RBL2: variants seen among roughly 807,000 people sequenced by gnomAD.
The protein encoded by RBL2 is retinoblastoma-like protein 2.
Under a neutral mutation model 126.0 loss-of-function variants are expected in RBL2, and 56 were observed. The observed-to-expected ratio is 0.44, with a 90% CI of 0.36 to 0.56. The LOEUF is 0.56. Among genes scored for constraint, RBL2 ranks in the 20% least tolerant of loss-of-function variants. The probability of loss-of-function intolerance (pLI) is 0.00; values close to 1 mark genes in which losing one functional copy is unlikely to be tolerated. For missense variants in RBL2, 1,229 were observed against 1,398.2 expected, an observed-to-expected ratio of 0.88 and a Z score of 1.93; for synonymous variants, 454 against 478.5, an observed-to-expected ratio of 0.95 and a Z score of 0.67.
chr16:53,490,267 C>A lies in RBL2; in HGVS notation c.3387C>A (p.Leu1129=). 6.2e-7 allele frequency: 1 copy of A among 1,611,842 alleles called. No homozygotes were observed. Among genetic ancestry groups the A allele is most frequent in the Non-Finnish European group, 8.5e-7 (1 of 1,178,766 alleles). ...PENHSALLRR[L]QDVANDRGSH ...ATCATTCTGCCTTATTACGCCGTCT[C>A]CAAGATGTAGCTAATGACCGTGGTT... is the stretch of plus-strand genomic sequence containing the variant. The change falls in exon 22 of 22, where the codon CTC becomes CTA. Residue 1129 remains leucine (L), a synonymous_variant. Transcript: ENST00000262133.
Position 53,442,872 on chromosome 16 carries a change from T to C in RBL2, c.572+14T>C. On this transcript the variant is annotated intron_variant, in intron 3 of 21. Transcript: ENST00000262133. ...AAGGAAACAGCGGTAGGTTTTCTTG[T>C]TGGTTCATCAGGAATACACGTTAGT... 1 of 1,596,494 alleles carries C rather than the reference T, an allele frequency of 6.3e-7. No homozygotes were observed. The highest frequency in any genetic ancestry group is 8.6e-7 in the Non-Finnish European group (1 of 1,166,528).
At chr16:53,448,229 C>T (rs1056202237) in intron 4 of RBL2, among the ~76,000 whole-genome samples, 2 of 151,808 alleles carry the variant, frequency 1.3e-5, no homozygotes, top group Non-Finnish European at 1.5e-5. Context: ...GCGATCTCGG[C>T]CCACTGCAAC....
intron 8 of RBL2, among the ~76,000 whole-genome samples, chr16:53,457,246 G>A (rs2058176583): frequency 8.7e-6 from 1 of 114,798 alleles, no homozygotes; most frequent in Non-Finnish European, 1.9e-5. Context: ...TCATCAGGGT[G>A]GGTACAGATA....
intron 21 of RBL2, among the ~76,000 whole-genome samples, chr16:53,483,615 G>C (rs980851227): frequency 6.6e-6 from 1 of 152,170 alleles, no homozygotes; most frequent in African/African-American, 2.4e-5. Context: ...AATGGGCCAG[G>C]TGTGGTGGCT....
At chr16:53,451,868 G>A (rs202133927) in intron 5 of RBL2, 37 bp downstream of exon 5, 41 of 1,606,494 alleles carry the variant, frequency 2.6e-5, no homozygotes, top group East Asian at 1.6e-4. Flanking sequence ...GGCAATCTGC[G>A]TTTCTGTGTT....
At chr16:53,486,808 T>C (rs1028516968) in intron 21 of RBL2, among the ~76,000 whole-genome samples, 2 of 152,186 alleles carry the variant, frequency 1.3e-5, no homozygotes, top group Non-Finnish European at 2.9e-5. Flanking sequence ...CAGCCTGGAT[T>C]GTCTACATAG....
Position 53,480,634 on chromosome 16 carries a change from T to G in RBL2, c.2949T>G (p.Ala983=), listed in dbSNP as rs779857764. 10 of 1,613,928 alleles carry G rather than the reference T, an allele frequency of 6.2e-6. No individual in the cohort carries two copies. The highest frequency in any genetic ancestry group is 8.5e-6 in the Non-Finnish European group (10 of 1,179,988). ...TGCCAGTTCCACAGCCCAGCAGTGC[T>G]CCTCCCACACCTACTCGCCTCACAG... ...STLPVPQPSS[A]PPTPTRLTGA... is the part of the protein sequence containing the mutation. The change falls in exon 20 of 22, where the codon GCT becomes GCG. Residue 983 remains alanine (A), a synonymous_variant. Coordinates refer to ENST00000262133, the MANE Select transcript of RBL2 (RefSeq NM_005611.4).
Position 53,451,741 on chromosome 16 carries a change from TATC to T in RBL2, c.678_680del (p.His227del). The T allele has an allele frequency of 6.2e-7, 1 of 1,613,570 alleles. No homozygotes were observed. Among genetic ancestry groups the T allele is most frequent in the South Asian group, 1.1e-5 (1 of 91,064 alleles). On this transcript the variant is annotated inframe_deletion, in exon 5 of 22. Transcript: ENST00000262133. ...GATTAGTGATGATTTGGTCAATTCT[TATC>T]ACCTGCTGCTGTGTGCTTTGGACTT...
rs777503769 is a variant in RBL2, at chr16:53,462,593, T to C, written c.1498T>C (p.Tyr500His). The C allele has an allele frequency of 3.2e-6, 5 of 1,566,654 alleles. No individual in the cohort carries two copies. The highest frequency in any genetic ancestry group is 4.3e-6 in the Non-Finnish European group (5 of 1,165,470). ...KHFRFAEMLY[Y>H]KVLESVIEQE... The stretch of plus-strand genomic sequence containing the variant: ...TTTTCGTTTTGCGGAGATGCTTTAC[T>C]ATAAAGTATTAGAATCTGTTATTGA... The change falls in exon 11 of 22, where the codon TAT (tyrosine) becomes CAT (histidine). Residue 500 changes from tyrosine to histidine, a missense_variant. Around this residue, in one of 2 missense-constraint regions of RBL2, gnomAD observed 1,070 missense variants for 1,274.3 expected, o/e 0.84. Transcript: ENST00000262133.
intron 9 of RBL2, among the ~76,000 whole-genome samples, chr16:53,461,158 G>C (rs945838501): frequency 6.6e-6 from 1 of 151,960 alleles, no homozygotes. Context: ...CATAGATATC[G>C]AATGGGCCCA....
rs747185241 is a variant in RBL2 at position 53,465,430 on chromosome 16, TA to T, written c.1699-7del. 1 of 1,387,084 alleles carries T rather than the reference TA, an allele frequency of 7.2e-7. No individual in the cohort carries two copies. The allele number at this position is 1,387,084 out of a possible 1,614,324, so 85.9% of individuals were successfully genotyped here. A position where few individuals can be genotyped will look rare whatever the true frequency, so the allele number is the denominator to read the frequency against. ...TTATTCAGTGAACCAAGACATTTTT[TA>T]TTTCAGGTGATAGAAGTATTCATTA... On this transcript the variant is annotated splice_region_variant and splice_polypyrimidine_tract_variant and intron_variant, in intron 12 of 21. Transcript: ENST00000262133.
intron 1 of RBL2, among the ~76,000 whole-genome samples, chr16:53,435,913 G>T (rs1008205724): frequency 3.3e-5 from 5 of 152,126 alleles, no homozygotes; most frequent in African/African-American, 1.2e-4. Flanking sequence ...ACCTGAAACC[G>T]CTGGAAAAGT....
In RBL2 at chr16:53,479,209, C is replaced by T. The variant is rs201307142; in HGVS notation, c.2759C>T (p.Pro920Leu). ...ATTATGCGTTGTTATAGGACTCAGCCGCAGGCCCGGAGCCAGGTAACTACA... is the reference window on the plus strand; with the variant it reads ...ATTATGCGTTGTTATAGGACTCAGCTGCAGGCCCGGAGCCAGGTAACTACA... ...QNIMRCYRTQ[P>L]QARSQVYRSV... Residue 920 changes from proline (P) to leucine (L), a missense_variant, in exon 18 of 22, where the codon CCG becomes CTG. Pro to Leu is a moderately conservative substitution (Grantham distance 98). Around this residue, in one of 2 missense-constraint regions of RBL2, gnomAD observed 1,070 missense variants for 1,274.3 expected, o/e 0.84. Coordinates refer to ENST00000262133, the MANE Select transcript of RBL2 (RefSeq NM_005611.4). 16 of 1,613,678 alleles carry T rather than the reference C, an allele frequency of 9.9e-6. No homozygotes were observed. Among genetic ancestry groups the T allele is most frequent in the African/African-American group, 8.0e-5 (6 of 74,996 alleles).
chr16:53,452,423 C>T (rs2153141102), intron 5 of RBL2, among the ~76,000 whole-genome samples: 1 of 152,202 alleles, frequency 6.6e-6, no homozygotes, highest in Non-Finnish European at 1.5e-5. Context: ...ATTGCTGCTG[C>T]TATTTGAGTA....
chr16:53,465,663 C>A, intron 13 of RBL2, 61 bp downstream of exon 13: 1 of 1,310,954 alleles, frequency 7.6e-7, no homozygotes. Context: ...TATTAATAAT[C>A]CTTTTGGGGA....
intron 7 of RBL2, 148 bp downstream of exon 7, chr16:53,453,917 A>G: frequency 1.5e-6 from 1 of 666,444 alleles, no homozygotes; most frequent in Non-Finnish European, 2.5e-6. Context: ...TCACCTAAAT[A>G]TAAGCACACT....
rs369108451 is a variant in RBL2 at position 53,465,568 on chromosome 16, G to C, written c.1829G>C (p.Arg610Thr). Residue 610 changes from arginine (R) to threonine (T), a missense_variant, in exon 13 of 22, where the codon AGA becomes ACA. Around this residue, in one of 2 missense-constraint regions of RBL2, gnomAD observed 1,070 missense variants for 1,274.3 expected, o/e 0.84. Transcript: ENST00000262133. ...KPESPLWEKI[R>T]DNENRVPTCE... ...GAGTCTCCACTCTGGGAAAAAATTA[G>C]AGACAATGAAAACAGAGTTCCTACA... 1 of 1,597,842 alleles carries C rather than the reference G, an allele frequency of 6.3e-7. No individual in the cohort carries two copies. Among genetic ancestry groups the C allele is most frequent in the African/African-American group, 1.3e-5 (1 of 74,088 alleles).
intron 17 of RBL2, among the ~76,000 whole-genome samples, chr16:53,471,626 G>A (rs1213080324): frequency 6.6e-6 from 1 of 152,036 alleles, no homozygotes; most frequent in East Asian, 1.9e-4. Flanking sequence ...GTGCCACCAT[G>A]CCTGGCTAAT....
chr16:53,439,328 A>G (rs540597854), intron 2 of RBL2, among the ~76,000 whole-genome samples, 182 bp downstream of exon 2: 1 of 152,298 alleles, frequency 6.6e-6, no homozygotes, highest in South Asian at 2.1e-4. Flanking sequence ...AATATCCATT[A>G]TATTTTACTT....
Sources: gnomAD v4.1 joint callset for allele counts (sites outside exome capture counted in the v4.1 genomes callset) on GRCh38, gnomAD v4.1.1 for gene constraint, gnomAD v4.1.1 regional missense constraint, MANE v1.5 for transcripts, NCBI Gene and HGNC (gene_info 2026-07-23, HGNC 2026-07-21) for gene names.